TAF3: variants seen among roughly 807,000 people sequenced by gnomAD.
The protein encoded by TAF3 is TATA-box binding protein associated factor 3.
TAF3 carries 7 observed loss-of-function variants against 80.6 expected under a neutral mutation model. That is an observed-to-expected ratio of 0.09 (90% CI 0.05 to 0.16). The LOEUF (loss-of-function observed/expected upper bound fraction) is 0.16, where lower values mean the gene tolerates loss of function less well. TAF3 is among the 10% of genes least tolerant of loss of function. The pLI, the probability that TAF3 is intolerant of heterozygous loss-of-function variation, is 1.00. For missense variants in TAF3, 921 were observed against 1,140.2 expected (o/e 0.81, Z 2.77); for synonymous variants, 444 against 446.1 (o/e 1.00, Z 0.06).
chr10:8,014,446 G>A (rs1231335795), intron 6 of TAF3, among the ~76,000 whole-genome samples, 191 bp from the exon 7 acceptor site: 1 of 152,204 alleles, frequency 6.6e-6, no homozygotes, highest in South Asian at 2.1e-4. Flanking sequence ...TCTGCAGGGG[G>A]CCTGTAAAGG....
chr10:7,853,404 ATGGCATGATTTATTGTCTTTTTTATTG>A (rs1338364047), intron 2 of TAF3, among the ~76,000 whole-genome samples: 1 of 152,208 alleles, frequency 6.6e-6, no homozygotes, highest in African/African-American at 2.4e-5. Flanking sequence ...GCTACAGATC[ATGGCATGATTTATTGTCTTTTTTATTG>A]TCTAGACGTC....
chr10:7,979,001 C>G (rs1831698679), intron 4 of TAF3, among the ~76,000 whole-genome samples: 1 of 151,500 alleles, frequency 6.6e-6, no homozygotes, highest in Non-Finnish European at 1.5e-5. Flanking sequence ...TGATCGTGCC[C>G]ACTGCACTCC....
At chr10:7,928,735 T>C (rs1837839971) in intron 2 of TAF3, among the ~76,000 whole-genome samples, 1 of 152,220 alleles carries the variant, frequency 6.6e-6, no homozygotes, top group South Asian at 2.1e-4. Flanking sequence ...GGCCTAAGAC[T>C]GGGGCCCTTT....
In TAF3 at chr10:7,898,014, T is replaced by C. The variant is rs555161385; in HGVS notation, c.410-65906T>C. The stretch of plus-strand genomic sequence containing the variant: ...GTTGGATGTTGAATCTCTTGAACTT[T>C]TAATATTCTTATTTTTTTCTCTTTT... On this transcript the variant is annotated intron_variant, in intron 2 of 6. Transcript: ENST00000344293. Among the ~76,000 whole-genome samples, 80 of 152,290 alleles carry C rather than the reference T, an allele frequency of 5.3e-4. 1 individual carries two copies. The Middle Eastern group carries it at 0.01, about 19-fold the overall frequency.
chr10:7,821,016 C>A (rs959180768), intron 1 of TAF3, among the ~76,000 whole-genome samples: 8 of 152,150 alleles, frequency 5.3e-5, no homozygotes, highest in African/African-American at 1.9e-4. Flanking sequence ...CAAAATGTCT[C>A]CTGAATACAT....
intron 5 of TAF3, among the ~76,000 whole-genome samples, chr10:8,010,289 G>C (rs1268570689): frequency 1.3e-5 from 2 of 152,178 alleles, no homozygotes; most frequent in Non-Finnish European, 2.9e-5. Flanking sequence ...CACATAGTCA[G>C]CCTCCATAAA....
chr10:7,925,209 A>G (rs1415768487), intron 2 of TAF3, among the ~76,000 whole-genome samples: 1 of 152,206 alleles, frequency 6.6e-6, no homozygotes, highest in Non-Finnish European at 1.5e-5. Flanking sequence ...TGATCTTTTA[A>G]ATAACTATGT....
At chr10:7,905,515 C>T (rs76600458) in intron 2 of TAF3, among the ~76,000 whole-genome samples, 1,738 of 152,228 alleles carry the variant, frequency 0.011, 33 homozygotes, top group African/African-American at 0.039. Flanking sequence ...TGTTACAGCC[C>T]ATTTTTTGAG....
intron 4 of TAF3, among the ~76,000 whole-genome samples, chr10:8,006,387 A>C (rs1284033648): frequency 2.0e-5 from 3 of 152,132 alleles, no homozygotes; most frequent in Non-Finnish European, 2.9e-5. Flanking sequence ...AAAAAAAAAA[A>C]ACCTAGATAA....
In TAF3 at chr10:8,009,414, A is replaced by C; in HGVS notation, c.2568+84A>C. 4 of 1,459,546 alleles carry C rather than the reference A, an allele frequency of 2.7e-6. No homozygotes were observed. The highest frequency in any genetic ancestry group is 3.6e-6 in the Non-Finnish European group (4 of 1,100,404). 90.4% of individuals were successfully genotyped at this position (1,459,546 alleles called of 1,614,324 possible). On this transcript the variant is annotated intron_variant, in intron 5 of 6. Transcript: ENST00000344293. The surrounding 1 kb of genome is among the most constrained non-coding windows in gnomAD (Gnocchi z 4.1). ...GTGCTCTGAATCACTATCGAATTTC[A>C]GACGCATTTCTCTTCAAAATTTTAT...
intron 4 of TAF3, among the ~76,000 whole-genome samples, chr10:7,991,564 G>T (rs1431890439): frequency 6.6e-6 from 1 of 152,028 alleles, no homozygotes; most frequent in Non-Finnish European, 1.5e-5. Flanking sequence ...CAGAATGACA[G>T]CACAAAGGTC....
chr10:7,939,439 T>G (rs1837955582), intron 2 of TAF3, among the ~76,000 whole-genome samples: 1 of 152,058 alleles, frequency 6.6e-6, no homozygotes, highest in Admixed American at 6.6e-5. Context: ...GTTAGCAAAG[T>G]CCCAAACATT....
At chr10:7,847,656 G>A (rs750837425) in intron 2 of TAF3, among the ~76,000 whole-genome samples, 17 of 152,160 alleles carry the variant, frequency 1.1e-4, no homozygotes, top group Non-Finnish European at 1.8e-4. Flanking sequence ...TGTTGCCCTG[G>A]TTGGTCTCAA....
intron 3 of TAF3, among the ~76,000 whole-genome samples, chr10:7,969,873 C>T (rs978964933): frequency 6.6e-6 from 1 of 152,234 alleles, no homozygotes; most frequent in Non-Finnish European, 1.5e-5. Flanking sequence ...TCACCAACCT[C>T]CCATCCTCGC....
chr10:7,954,660 T>G (rs1209148259), intron 2 of TAF3, among the ~76,000 whole-genome samples: 142 of 95,696 alleles, frequency 1.5e-3, no homozygotes, highest in African/African-American at 2.5e-3. Context: ...GCACTCCATA[T>G]GTGAATGAGT....
At chr10:7,939,799 G>A (rs1028016466) in intron 2 of TAF3, among the ~76,000 whole-genome samples, 6 of 152,058 alleles carry the variant, frequency 3.9e-5, no homozygotes, top group African/African-American at 1.4e-4. Context: ...GGAACGATAG[G>A]AGAGAAAAAA....
chr10:7,889,955 T>C (rs1405345052), intron 2 of TAF3, among the ~76,000 whole-genome samples: 3 of 152,206 alleles, frequency 2.0e-5, no homozygotes, highest in African/African-American at 7.2e-5. Flanking sequence ...CTCCCTCCTC[T>C]AGTTTATCTT....
chr10:8,004,646 T>C (rs1158661190), intron 4 of TAF3, among the ~76,000 whole-genome samples: 1 of 152,240 alleles, frequency 6.6e-6, no homozygotes, highest in Non-Finnish European at 1.5e-5. Context: ...AGAAGTCAGC[T>C]GTCACCTGTT....
At chr10:7,977,138 T>C in intron 3 of TAF3, 103 bp from the exon 4 acceptor site, 1 of 1,106,520 alleles carries the variant, frequency 9.0e-7, no homozygotes, top group Non-Finnish European at 1.3e-6. Flanking sequence ...ATTTAAGGCT[T>C]CAACTTTTTA....
Sources: allele counts gnomAD v4.1 joint callset (sites outside exome capture counted in the v4.1 genomes callset), GRCh38; gene constraint gnomAD v4.1.1; non-coding constraint Gnocchi (gnomAD v3.1); transcripts MANE v1.5; gene names NCBI Gene and HGNC (gene_info 2026-07-23, HGNC 2026-07-21).